Variants in CNTN3 observed in about 807,000 individuals in gnomAD.
CNTN3 encodes the protein contactin-3.
CNTN3 carries 60 observed loss-of-function variants against 119.1 expected under a neutral mutation model. The observed-to-expected ratio is 0.50, with a 90% CI of 0.41 to 0.62. CNTN3 has a LOEUF of 0.62. CNTN3 is among the 20% of genes least tolerant of loss of function. The pLI is 0.00. For missense variants in CNTN3, 1,101 were observed against 1,242.4 expected, an observed-to-expected ratio of 0.89 and a Z score of 1.71; for synonymous variants, 450 against 438.7, an observed-to-expected ratio of 1.03 and a Z score of -0.32.
At chr3:74,424,145 C>T (rs1452993938) in intron 5 of CNTN3, among the ~76,000 whole-genome samples, 1 of 152,026 alleles carries the variant, frequency 6.6e-6, no homozygotes, top group Non-Finnish European at 1.5e-5. Context: ...TTTGTTCCTG[C>T]AAGTGGCCAA....
chr3:74,408,828 G>A (rs1290639370), intron 5 of CNTN3, among the ~76,000 whole-genome samples: 1 of 152,048 alleles, frequency 6.6e-6, no homozygotes, highest in East Asian at 1.9e-4. Flanking sequence ...GTCTTCTAAC[G>A]AAGTCACATC....
At chr3:74,420,582 A>C (rs1173639428) in intron 5 of CNTN3, among the ~76,000 whole-genome samples, 3 of 152,242 alleles carry the variant, frequency 2.0e-5, no homozygotes, top group Non-Finnish European at 4.4e-5. Flanking sequence ...CTGATGTGTT[A>C]AACAATGGGC....
intron 20 of CNTN3, among the ~76,000 whole-genome samples, chr3:74,270,056 A>T (rs915195846): frequency 2.6e-4 from 39 of 152,164 alleles, no homozygotes; most frequent in African/African-American, 9.4e-4. Context: ...TTGCTAAGAT[A>T]CATGACTAGT....
At chr3:74,509,983 C>A (rs1703335869) in intron 2 of CNTN3, among the ~76,000 whole-genome samples, 1 of 151,428 alleles carries the variant, frequency 6.6e-6, no homozygotes, top group Admixed American at 6.6e-5. Context: ...ATTTAACACA[C>A]ACTTCTTCTA....
At chr3:74,527,738 G>A (rs1038667540) in intron 1 of CNTN3, among the ~76,000 whole-genome samples, 4 of 151,842 alleles carry the variant, frequency 2.6e-5, no homozygotes, top group Non-Finnish European at 4.4e-5. Flanking sequence ...AATTAACTTG[G>A]CCAATTCCAC....
intron 5 of CNTN3, among the ~76,000 whole-genome samples, chr3:74,378,295 G>A (rs754967606): frequency 4.6e-5 from 7 of 152,184 alleles, no homozygotes; most frequent in Non-Finnish European, 8.8e-5. Context: ...TAGGATTGAA[G>A]AGTCCGCACT....
chr3:74,413,168 C>T (rs1223771570), intron 5 of CNTN3, among the ~76,000 whole-genome samples: 11 of 152,094 alleles, frequency 7.2e-5, no homozygotes, highest in Admixed American at 7.2e-4. Flanking sequence ...TTCTCTGTGT[C>T]ATGAAAATGA....
At chr3:74,483,624 G>A (rs918902256) in intron 4 of CNTN3, among the ~76,000 whole-genome samples, 1 of 152,056 alleles carries the variant, frequency 6.6e-6, no homozygotes, top group African/African-American at 2.4e-5. Flanking sequence ...TCCCATAGAT[G>A]GGTGCAGTAT....
intron 9 of CNTN3, among the ~76,000 whole-genome samples, chr3:74,365,223 C>G (rs1704161499): frequency 6.6e-6 from 1 of 152,030 alleles, no homozygotes; most frequent in African/African-American, 2.4e-5. Context: ...AGAGGCCACA[C>G]CAAGTTGTTA....
chr3:74,346,090 A>T (rs1424632995), intron 11 of CNTN3, among the ~76,000 whole-genome samples: 1 of 152,212 alleles, frequency 6.6e-6, no homozygotes, highest in African/African-American at 2.4e-5. Flanking sequence ...GATATAAGTA[A>T]ATGAAATAGA....
intron 1 of CNTN3, among the ~76,000 whole-genome samples, chr3:74,607,991 G>A (rs918323611): frequency 6.6e-5 from 10 of 152,124 alleles, no homozygotes; most frequent in African/African-American, 2.2e-4. Flanking sequence ...TCCTGGTTCT[G>A]GTATTGCAGG....
In CNTN3 at chr3:74,614,399, T is replaced by C. The variant is rs1489883883; in HGVS notation, c.-89A>G. ...GGGCATCCCGGACTTACCTGGTCTC[T>C]GCAGCTCGCCAGACGCCCGCCCCGA... On this transcript the variant is annotated 5_prime_UTR_variant, in exon 1 of 23. Transcript: ENST00000263665. 6.6e-6 allele frequency among the ~76,000 whole-genome samples: 1 copy of C among 150,986 alleles called. No individual in the cohort carries two copies. Among genetic ancestry groups the C allele is most frequent in the Non-Finnish European group, 1.5e-5 (1 of 67,528 alleles).
chr3:74,382,582 T>C (rs2106813621), intron 5 of CNTN3, among the ~76,000 whole-genome samples: 1 of 152,272 alleles, frequency 6.6e-6, no homozygotes, highest in South Asian at 2.1e-4. Context: ...AAAGCTTGAC[T>C]TTTCTAGATG....
At chr3:74,283,795 G>C (rs991471303) in intron 20 of CNTN3, among the ~76,000 whole-genome samples, 4 of 152,140 alleles carry the variant, frequency 2.6e-5, no homozygotes, top group African/African-American at 9.7e-5. Context: ...ATTTAGTAAA[G>C]AGTTGTAAAT....
At chr3:74,391,805 G>A (rs1056207656) in intron 5 of CNTN3, among the ~76,000 whole-genome samples, 5 of 152,054 alleles carry the variant, frequency 3.3e-5, no homozygotes, top group African/African-American at 4.8e-5. Flanking sequence ...CTACGTTCGC[G>A]TGCCACCACG....
intron 3 of CNTN3, among the ~76,000 whole-genome samples, chr3:74,496,068 G>T (rs898946877): frequency 6.6e-6 from 1 of 152,004 alleles, no homozygotes; most frequent in African/African-American, 2.4e-5. Context: ...AAGCTTCTGT[G>T]ACTGAACAAC....
chr3:74,362,355 G>A (rs1223570307), intron 10 of CNTN3, among the ~76,000 whole-genome samples: 1 of 152,210 alleles, frequency 6.6e-6, no homozygotes, highest in African/African-American at 2.4e-5. Flanking sequence ...GCTCCACGAA[G>A]ACAGGAATAG....
chr3:74,471,215 A>G (rs1335720497), intron 4 of CNTN3, among the ~76,000 whole-genome samples: 1 of 152,078 alleles, frequency 6.6e-6, no homozygotes, highest in Non-Finnish European at 1.5e-5. Flanking sequence ...GCTGGGGGAG[A>G]GATAACATTA....
chr3:74,550,303 G>A (rs1703971713), intron 1 of CNTN3, among the ~76,000 whole-genome samples: 1 of 152,182 alleles, frequency 6.6e-6, no homozygotes, highest in African/African-American at 2.4e-5. Flanking sequence ...AGCGACAGTG[G>A]CAAGCAGTTT....
Sources: allele counts gnomAD v4.1 joint callset (sites outside exome capture counted in the v4.1 genomes callset), GRCh38; gene constraint gnomAD v4.1.1; transcripts MANE v1.5; gene names NCBI Gene and HGNC (gene_info 2026-07-23, HGNC 2026-07-21).